LAMA2: variants seen among roughly 807,000 people sequenced by gnomAD.
LAMA2 encodes laminin subunit alpha-2.
In LAMA2, 269 loss-of-function variants were observed where a neutral mutation model predicts 364.8. That is an observed-to-expected ratio of 0.74 (90% CI 0.67 to 0.82). The LOEUF (loss-of-function observed/expected upper bound fraction) is 0.82, where lower values mean the gene tolerates loss of function less well. Among genes scored for constraint, LAMA2 ranks in the 40% least tolerant of loss-of-function variants. The probability of loss-of-function intolerance (pLI) is 0.00; values close to 1 mark genes in which losing one functional copy is unlikely to be tolerated. For missense variants in LAMA2, 3,807 were observed against 3,873.2 expected (o/e 0.98, Z 0.45); for synonymous variants, 1,379 against 1,370.6 (o/e 1.01, Z -0.14).
chr6:129,113,909 T>C (rs759285516), intron 4 of LAMA2, among the ~76,000 whole-genome samples: 19 of 151,996 alleles, frequency 1.3e-4, no homozygotes, highest in Non-Finnish European at 2.6e-4. Context: ...TTGGAACATT[T>C]TATCCCTATC....
chr6:129,270,013 A>T (rs1389134480), intron 16 of LAMA2, among the ~76,000 whole-genome samples: 1 of 152,076 alleles, frequency 6.6e-6, no homozygotes, highest in African/African-American at 2.4e-5. Flanking sequence ...GATGTTTAAA[A>T]TTTTTCAATT....
chr6:129,252,021 T>C (rs542800482), intron 13 of LAMA2, 63 bp from the exon 14 acceptor site: 7 of 1,044,886 alleles, frequency 6.7e-6, no homozygotes, highest in East Asian at 2.5e-5. Flanking sequence ...ATAGATATGT[T>C]TGACACTTTT....
chr6:129,344,296 AG>A (rs1776427026), intron 30 of LAMA2, among the ~76,000 whole-genome samples: 1 of 152,204 alleles, frequency 6.6e-6, no homozygotes, highest in East Asian at 1.9e-4. Context: ...ATGGAGACAA[AG>A]GAATGAATGT....
chr6:128,906,792 C>T (rs1422330526), intron 1 of LAMA2, among the ~76,000 whole-genome samples: 1 of 149,606 alleles, frequency 6.7e-6, no homozygotes, highest in African/African-American at 2.4e-5. Context: ...GTCTTTAATC[C>T]ATCTTGAATT....
intron 7 of LAMA2, 126 bp from the exon 8 acceptor site, chr6:129,154,379 A>T: frequency 1.2e-6 from 1 of 800,066 alleles, no homozygotes; most frequent in Non-Finnish European, 2.0e-6. Flanking sequence ...GCCACTCTGC[A>T]CTCCAGCCTG....
chr6:129,492,221 C>T, intron 57 of LAMA2, 94 bp from the exon 58 acceptor site: 1 of 1,447,062 alleles, frequency 6.9e-7, no homozygotes, highest in Non-Finnish European at 9.7e-7. Context: ...GAAAAGCACA[C>T]TAATGGACTT....
chr6:129,310,394 A>G (rs923254094), intron 22 of LAMA2, among the ~76,000 whole-genome samples: 8 of 152,184 alleles, frequency 5.3e-5, no homozygotes, highest in African/African-American at 1.9e-4. Flanking sequence ...TGAGATACAC[A>G]GTGAGATGCA....
chr6:128,895,417 G>T (rs1297984700), intron 1 of LAMA2, among the ~76,000 whole-genome samples: 1 of 149,208 alleles, frequency 6.7e-6, no homozygotes, highest in Non-Finnish European at 1.5e-5. Context: ...TGGATCACGA[G>T]GTCAGGAGAT....
At chr6:129,510,719 T>C (rs1786506261) in intron 62 of LAMA2, among the ~76,000 whole-genome samples, 1 of 152,000 alleles carries the variant, frequency 6.6e-6, no homozygotes, top group Non-Finnish European at 1.5e-5. Flanking sequence ...TCAGGAAACG[T>C]TTCATGGAGG....
chr6:129,417,015 G>T (rs1036814582), intron 40 of LAMA2, among the ~76,000 whole-genome samples: 1 of 152,128 alleles, frequency 6.6e-6, no homozygotes, highest in African/African-American at 2.4e-5. Flanking sequence ...CTGAAAGAGG[G>T]TCTCACAGCC....
intron 1 of LAMA2, among the ~76,000 whole-genome samples, chr6:128,978,349 CTTT>C (rs1236313304): frequency 2.0e-5 from 3 of 147,874 alleles, no homozygotes; most frequent in Non-Finnish European, 3.0e-5. Flanking sequence ...TTCTTTCTTT[CTTT>C]TTTTTTTTTT....
At chr6:129,093,030 C>T (rs965356781) in intron 3 of LAMA2, among the ~76,000 whole-genome samples, 11 of 151,848 alleles carry the variant, frequency 7.2e-5, no homozygotes, top group Non-Finnish European at 1.0e-4. Flanking sequence ...AATGGGTTCC[C>T]GAGTGCAGTG....
chr6:129,254,474 C>A (rs980505139), intron 14 of LAMA2, among the ~76,000 whole-genome samples: 18 of 152,164 alleles, frequency 1.2e-4, no homozygotes, highest in Non-Finnish European at 2.5e-4. Context: ...GCTGCAAAAG[C>A]ACTTGGCTAG....
At chr6:129,087,925 C>T in intron 3 of LAMA2, among the ~76,000 whole-genome samples, 1 of 147,818 alleles carries the variant, frequency 6.8e-6, no homozygotes, top group African/African-American at 2.5e-5. Context: ...ATTAATCATT[C>T]TTGGGTGTTT....
At position 128,928,920 on chromosome 6, in the gene LAMA2, AAGT is replaced by A. The variant is rs2114508719; in HGVS notation, c.112+45564_112+45566del. ...GGACCTCTTTTGGGCATTTCTTCCT[AAGT>A]GGAATACACAACAGATAAGGGAGTA... On this transcript the variant is annotated intron_variant, in intron 1 of 64. Coordinates refer to ENST00000421865, the MANE Select transcript of LAMA2 (RefSeq NM_000426.4). 5.3e-6 allele frequency: 4 copies of A among 759,362 alleles called. No homozygotes were observed. The East Asian group carries it at 9.8e-5, about 19-fold the overall frequency. 47.0% of individuals were successfully genotyped at this position (759,362 alleles called of 1,614,324 possible). A position where few individuals can be genotyped will look rare whatever the true frequency, so the allele number is the denominator to read the frequency against.
intron 1 of LAMA2, among the ~76,000 whole-genome samples, chr6:128,974,371 T>C (rs1404787584): frequency 1.3e-5 from 2 of 152,150 alleles, no homozygotes; most frequent in Non-Finnish European, 2.9e-5. Context: ...TTTAGGTAAA[T>C]AGGATCTGCA....
intron 33 of LAMA2, 92 bp downstream of exon 33, chr6:129,366,453 C>A: frequency 1.4e-6 from 2 of 1,403,494 alleles, no homozygotes; most frequent in Non-Finnish European, 2.0e-6. Context: ...GTTCTTCCCA[C>A]AGCCCCAAAT....
chr6:129,419,286 C>G (rs1296855098), intron 40 of LAMA2, among the ~76,000 whole-genome samples: 1 of 152,122 alleles, frequency 6.6e-6, no homozygotes, highest in Non-Finnish European at 1.5e-5. Flanking sequence ...CAATAATGCT[C>G]TTGGTGCCAT....
intron 12 of LAMA2, among the ~76,000 whole-genome samples, chr6:129,221,131 C>G (rs1427140818): frequency 6.8e-6 from 1 of 147,036 alleles, no homozygotes; most frequent in African/African-American, 2.5e-5. Flanking sequence ...CCACTGCACT[C>G]CAGCCTGGGA....
Sources: gnomAD v4.1 joint callset for allele counts (sites outside exome capture counted in the v4.1 genomes callset) on GRCh38, gnomAD v4.1.1 for gene constraint, MANE v1.5 for transcripts, NCBI Gene and HGNC (gene_info 2026-07-23, HGNC 2026-07-21) for gene names.